TEX11: variants seen among roughly 807,000 people sequenced by gnomAD.
TEX11 encodes the protein testis expressed 11.
In TEX11, 7 loss-of-function variants were observed where a neutral mutation model predicts 84.4. That is an observed-to-expected ratio of 0.08 (90% CI 0.05 to 0.16). The LOEUF (loss-of-function observed/expected upper bound fraction) is 0.16. TEX11 is among the 10% of genes least tolerant of loss of function. TEX11 has a pLI of 1.00. For missense variants in TEX11, 551 were observed against 660.5 expected, an observed-to-expected ratio of 0.83 and a Z score of 1.82; for synonymous variants, 264 against 222.8, an observed-to-expected ratio of 1.18 and a Z score of -1.64.
chrX:70,856,846 GA>G (rs2091539212), intron 5 of TEX11, among the ~76,000 whole-genome samples: 1 of 96,470 alleles, frequency 1.0e-5, no homozygotes, highest in African/African-American at 4.6e-5. Flanking sequence ...CCGTTCAACA[GA>G]TTTTTTTTTT....
At chrX:70,861,964 A>C (rs1464019404) in intron 4 of TEX11, among the ~76,000 whole-genome samples, 1 of 110,814 alleles carries the variant, frequency 9.0e-6, no homozygotes, top group African/African-American at 3.3e-5. Flanking sequence ...TTCTCTCCTA[A>C]AATGTGAAAC....
At chrX:70,751,042 A>C (rs2090819923) in intron 9 of TEX11, among the ~76,000 whole-genome samples, 1 of 99,426 alleles carries the variant, frequency 1.0e-5, no homozygotes, top group African/African-American at 3.6e-5. Context: ...GGGACTGTAA[A>C]CTAGTTCAAC....
chrX:70,575,455 A>G (rs755201815), intron 25 of TEX11, among the ~76,000 whole-genome samples: 77 of 111,591 alleles, frequency 6.9e-4, no homozygotes, highest in Non-Finnish European at 1.2e-3. Context: ...GATAGCCCTT[A>G]TGGCCCTTAA....
rs73542490 is a variant in TEX11 at position 70,663,170 on chromosome X, T to C, written c.1380+7207A>G. Among the ~76,000 whole-genome samples, 689 of 111,475 alleles carry C rather than the reference T, an allele frequency of 6.2e-3. 8 individuals are homozygous for C. Among genetic ancestry groups the C allele is most frequent in the African/African-American group, 0.022 (671 of 30,694 alleles). On this transcript the variant is annotated intron_variant, in intron 16 of 29. Transcript: ENST00000374333. ...CAGAAAAATGTGGGCAGAAGATACC[T>C]CAAAGTTCTCTTAGTCAAAAAATTC...
At chrX:70,875,003 T>A (rs10126333) in intron 3 of TEX11, among the ~76,000 whole-genome samples, 1 of 106,778 alleles carries the variant, frequency 9.4e-6, no homozygotes, top group Non-Finnish European at 1.9e-5. Context: ...GGTCAAACCC[T>A]GTCTCTACTA....
chrX:70,692,137 C>G (rs1442684337), intron 13 of TEX11, among the ~76,000 whole-genome samples: 1 of 111,479 alleles, frequency 9.0e-6, no homozygotes, highest in African/African-American at 3.3e-5. Context: ...ACAATAAACA[C>G]TGCACATGTT....
intron 27 of TEX11, 38 bp downstream of exon 27, chrX:70,553,268 C>A (rs1192472942): frequency 2.0e-6 from 2 of 994,099 alleles, no homozygotes; most frequent in Admixed American, 2.6e-5. Flanking sequence ...GACTATAGTT[C>A]TTTTGGCTAG....
At chrX:70,699,290 A>G (rs1603226576) in intron 13 of TEX11, among the ~76,000 whole-genome samples, 1 of 111,760 alleles carries the variant, frequency 8.9e-6, no homozygotes. Flanking sequence ...TCTGACTGCA[A>G]CCATGTAAGA....
chrX:70,515,268 A>ACCC, the TEX11 span, among the ~76,000 whole-genome samples: 10 of 76,352 alleles, frequency 1.3e-4, no homozygotes, highest in South Asian at 7.4e-4. Context: ...TCCCTCCTCC[A>ACCC]CCCCCCCCCA....
At chrX:70,524,820 C>T (rs2147919496), downstream of TEX11, among the ~76,000 whole-genome samples, 1 of 112,249 alleles carries the variant, frequency 8.9e-6, no homozygotes, top group Admixed American at 9.4e-5. Flanking sequence ...CTGCCTCGGC[C>T]TCCCAAAGAG....
intron 12 of TEX11, 46 bp from the exon 13 acceptor site, chrX:70,722,742 G>A (rs2090570066): frequency 1.0e-6 from 1 of 992,096 alleles, no homozygotes; most frequent in Non-Finnish European, 1.4e-6. Context: ...AATTTTTGAG[G>A]AAGCTTAGTT....
chrX:70,744,614 T>C (rs1168648896), intron 9 of TEX11, among the ~76,000 whole-genome samples: 1 of 110,481 alleles, frequency 9.1e-6, no homozygotes, highest in Non-Finnish European at 1.9e-5. Flanking sequence ...TAAATTATTA[T>C]AATACATACT....
chrX:70,871,726 C>G (rs1163777929), intron 4 of TEX11, among the ~76,000 whole-genome samples: 2 of 109,696 alleles, frequency 1.8e-5, no homozygotes. Context: ...GGACTCTCTT[C>G]TTTACTGTCT....
intron 8 of TEX11, among the ~76,000 whole-genome samples, chrX:70,824,056 A>T (rs1355519063): frequency 8.9e-6 from 1 of 111,984 alleles, no homozygotes; most frequent in Non-Finnish European, 1.9e-5. Context: ...ATAGTGTTTT[A>T]GTTTTGGGTA....
At chrX:70,670,740 T>C (rs1180777675) in intron 15 of TEX11, among the ~76,000 whole-genome samples, 1 of 111,608 alleles carries the variant, frequency 9.0e-6, no homozygotes. Flanking sequence ...ACATTAGAAA[T>C]TTCACACATA....
intron 4 of TEX11, among the ~76,000 whole-genome samples, chrX:70,863,891 A>G (rs949344590): frequency 1.2e-4 from 13 of 111,974 alleles, no homozygotes; most frequent in African/African-American, 3.6e-4. Context: ...AAATTAACTG[A>G]TGAGCTGAAA....
At chrX:70,689,646 A>T (rs2090217750) in intron 13 of TEX11, among the ~76,000 whole-genome samples, 1 of 112,169 alleles carries the variant, frequency 8.9e-6, no homozygotes, top group Non-Finnish European at 1.9e-5. Flanking sequence ...TGTAGTATTG[A>T]ATTATAACCT....
intron 17 of TEX11, among the ~76,000 whole-genome samples, chrX:70,648,432 A>T (rs2089773440): frequency 9.0e-6 from 1 of 110,615 alleles, no homozygotes. Context: ...ATAAATAAAT[A>T]AAACCCACCA....
Position 70,602,258 on chromosome X carries a change from T to A in TEX11, c.2067+3143A>T, listed in dbSNP as rs769734389. Among the ~76,000 whole-genome samples the A allele has an allele frequency of 2.8e-3, 310 of 111,525 alleles. 3 individuals are homozygous for A. The highest frequency in any genetic ancestry group is 9.5e-3 in the African/African-American group (289 of 30,568). On this transcript the variant is annotated intron_variant, in intron 24 of 29. Transcript: ENST00000374333. Reference sequence around the variant, plus strand: ...GCAGAGACACAACCAAAAAAGAGAATTTTAGACCAATATCCTTGATGAACA... The same window carrying A: ...GCAGAGACACAACCAAAAAAGAGAAATTTAGACCAATATCCTTGATGAACA...
Sources: gnomAD v4.1 joint callset for allele counts (sites outside exome capture counted in the v4.1 genomes callset) on GRCh38, gnomAD v4.1.1 for gene constraint, MANE v1.5 for transcripts, NCBI Gene and HGNC (gene_info 2026-07-23, HGNC 2026-07-21) for gene names.